The following CABIN1 variants were observed in gnomAD, a reference collection of about 807,000 sequenced individuals.
CABIN1 encodes the protein calcineurin-binding protein cabin-1.
CABIN1 carries 133 observed loss-of-function variants against 227.7 expected under a neutral mutation model. That is an observed-to-expected ratio of 0.58 (90% confidence interval 0.51 to 0.67). The LOEUF is 0.67. Among genes scored for constraint, CABIN1 ranks in the 30% least tolerant of loss-of-function variants. The pLI is 0.00. For synonymous variants in CABIN1, 1,086 were observed against 1,155.1 expected, an observed-to-expected ratio of 0.94 and a Z score of 1.21; for missense variants, 2,408 against 2,852.5, an observed-to-expected ratio of 0.84 and a Z score of 3.55.
intron 1 of CABIN1, among the ~76,000 whole-genome samples, chr22:24,026,951 A>G (rs932534660): frequency 9.2e-5 from 14 of 152,224 alleles, no homozygotes; most frequent in Non-Finnish European, 1.5e-4. Flanking sequence ...GGATTGCACT[A>G]AATCTGTAGG....
In CABIN1 at chr22:24,119,549, C is replaced by G; in HGVS notation, c.4483C>G (p.Gln1495Glu). The G allele has an allele frequency of 6.2e-7, 1 of 1,613,942 alleles. No individual in the cohort carries two copies. Among genetic ancestry groups the G allele is most frequent in the Non-Finnish European group, 8.5e-7 (1 of 1,180,018 alleles). The change falls in exon 28 of 37, where the codon CAG (glutamine) becomes GAG (glutamate). Residue 1495 changes from glutamine (Q) to glutamate (E), a missense_variant. Gln to Glu is a conservative substitution (Grantham distance 29, BLOSUM62 2). Coordinates refer to ENST00000263119, the MANE Select transcript of CABIN1 (RefSeq NM_012295.4). ...DLPGEPVAFPQGLPAGAEEQR... is the reference protein window; with the variant it reads ...DLPGEPVAFPEGLPAGAEEQR... ...CCCAGGGGAGCCAGTGGCCTTCCCC[C>G]AGGGGCTGCCGGCTGGTGCTGAGGA...
chr22:24,025,169 T>G (rs569937087), intron 1 of CABIN1, among the ~76,000 whole-genome samples: 1 of 152,298 alleles, frequency 6.6e-6, no homozygotes, highest in South Asian at 2.1e-4. Context: ...GAAGTCAGAT[T>G]TCTGACTTTT....
In CABIN1 at chr22:24,061,941, C is replaced by T; in HGVS notation, c.1618-6C>T. ...TGTTCTTGACCTTCCTGTGTCTGTC[C>T]TGCAGGACATGATGCTGATGTCTCT... On this transcript the variant is annotated splice_polypyrimidine_tract_variant and splice_region_variant and intron_variant, in intron 12 of 36. Transcript: ENST00000263119. 4.3e-6 allele frequency: 7 copies of T among 1,612,410 alleles called. No individual in the cohort carries two copies. The highest frequency in any genetic ancestry group is 1.3e-5 in the African/African-American group (1 of 74,992).
chr22:24,124,316 T>G (rs1348337935), intron 28 of CABIN1, among the ~76,000 whole-genome samples: 2 of 152,248 alleles, frequency 1.3e-5, no homozygotes, highest in African/African-American at 4.8e-5. Context: ...TTCTTCAGTG[T>G]CAGCATCTCC....
chr22:24,173,073 T>TCAGGCCCTCCCCTGCTTCTCCCTC (rs2046915754), intron 34 of CABIN1: 1 of 152,348 alleles, frequency 6.6e-6, no homozygotes, highest in African/African-American at 2.4e-5. Context: ...ACCCTCCCTT[T>TCAGGCCCTCCCCTGCTTCTCCCTC]CAGGCCCTCC....
rs933984677 is a variant in CABIN1 at position 24,134,340 on chromosome 22, T to G, written c.4671T>G (p.Ser1557Arg). The change falls in exon 29 of 37, where the codon AGT (serine) becomes AGG (arginine). Residue 1557 changes from serine to arginine, a missense_variant. By Grantham distance (110) the Ser-to-Arg change is moderately radical. Around this residue, in one of 3 missense-constraint regions of CABIN1, gnomAD observed 649 missense variants for 910.3 expected, o/e 0.71. Coordinates refer to ENST00000263119, the MANE Select transcript of CABIN1 (RefSeq NM_012295.4). ...CCCGCGACGTGTTGCTAGGCAGCAG[T>G]ATCCCGTGGCAACAACTGCAGCACA... ...QWARDVLLGS[S>R]IPWQQLQHMP... is the part of the protein sequence containing the mutation. 7 of 1,614,016 alleles carry G rather than the reference T, an allele frequency of 4.3e-6. No homozygotes were observed. In the South Asian group the frequency reaches 6.6e-5, roughly 15 times the overall value.
Position 24,041,140 on chromosome 22 carries a change from C to A in CABIN1, c.212C>A (p.Ala71Glu), listed in dbSNP as rs188586021. 8.7e-6 allele frequency: 14 copies of A among 1,614,218 alleles called. No homozygotes were observed. The African/African-American group carries it at 1.9e-4, about 22-fold the overall frequency. ...ACTTCTGTTCTGTTTTGTTCACAGG[C>A]AGTTTCATCCGGTGATGAGAAAGAG... Reference protein sequence around the residue: ...ELLEASLLREAVSSGDEKEGL... With the variant: ...ELLEASLLREEVSSGDEKEGL... The change falls in exon 5 of 37, where the codon GCA (alanine) becomes GAA (glutamate). Residue 71 changes from alanine (A) to glutamate (E), a missense_variant and splice_region_variant. Coordinates refer to ENST00000263119, the MANE Select transcript of CABIN1 (RefSeq NM_012295.4).
chr22:24,033,720 T>A (rs2036665376), intron 1 of CABIN1, among the ~76,000 whole-genome samples: 1 of 152,180 alleles, frequency 6.6e-6, no homozygotes, highest in Admixed American at 6.5e-5. Context: ...CTGTCACGGG[T>A]CCATCTGGGA....
rs1158378290 is a variant in CABIN1, at chr22:24,098,097, C to G, written c.4022C>G (p.Ser1341Cys). 6.2e-7 allele frequency: 1 copy of G among 1,614,048 alleles called. No homozygotes were observed. The highest frequency in any genetic ancestry group is 8.5e-7 in the Non-Finnish European group (1 of 1,180,032). Residue 1341 changes from serine (S) to cysteine (C), a missense_variant, in exon 26 of 37, where the codon TCT becomes TGT. Coordinates refer to ENST00000263119, the MANE Select transcript of CABIN1 (RefSeq NM_012295.4). Reference protein sequence around the residue: ...PGPGASLPSSSGPGLTSPPYT... With the variant: ...PGPGASLPSSCGPGLTSPPYT... ...CCCGGAGCCTCCCTCCCCTCCTCCT[C>G]TGGCCCAGGTCTGACATCCCCACCT...
intron 20 of CABIN1, among the ~76,000 whole-genome samples, chr22:24,084,019 T>A (rs746578047): frequency 1.3e-5 from 2 of 152,164 alleles, no homozygotes; most frequent in Non-Finnish European, 2.9e-5. Flanking sequence ...ACCCCAAACC[T>A]AGGGCCACTC....
rs767802995 is a variant in CABIN1 at position 24,119,550 on chromosome 22, A to T, written c.4484A>T (p.Gln1495Leu). ...DLPGEPVAFP[Q>L]GLPAGAEEQR... ...CCAGGGGAGCCAGTGGCCTTCCCCC[A>T]GGGGCTGCCGGCTGGTGCTGAGGAG... is the stretch of plus-strand genomic sequence containing the variant. The change falls in exon 28 of 37, where the codon CAG (glutamine) becomes CTG (leucine). Residue 1495 changes from glutamine to leucine, a missense_variant. Gln to Leu is a moderately radical substitution (Grantham distance 113). Transcript: ENST00000263119. The T allele has an allele frequency of 9.3e-6, 15 of 1,613,770 alleles. No homozygotes were observed. Among genetic ancestry groups the T allele is most frequent in the Admixed American group, 5.0e-5 (3 of 60,012 alleles).
intron 34 of CABIN1, among the ~76,000 whole-genome samples, chr22:24,175,459 G>A (rs543324780): frequency 2.0e-5 from 3 of 152,358 alleles, no homozygotes; most frequent in South Asian, 4.1e-4. Context: ...AGTGTGGTGG[G>A]AGAGTCCAGA....
intron 29 of CABIN1, among the ~76,000 whole-genome samples, chr22:24,160,980 T>A (rs1415473103): frequency 6.6e-6 from 1 of 152,218 alleles, no homozygotes; most frequent in African/African-American, 2.4e-5. Flanking sequence ...TGTGGACCCC[T>A]AGGCTCACTC....
intron 3 of CABIN1, among the ~76,000 whole-genome samples, chr22:24,036,437 T>C (rs1371575385): frequency 6.6e-6 from 1 of 152,226 alleles, no homozygotes; most frequent in Non-Finnish European, 1.5e-5. Context: ...CCCCATTCTT[T>C]GTGCAGCCCT....
chr22:24,140,626 A>G (rs1431358992), intron 29 of CABIN1, among the ~76,000 whole-genome samples: 5 of 152,264 alleles, frequency 3.3e-5, no homozygotes, highest in Non-Finnish European at 7.3e-5. Context: ...TAACCAAACC[A>G]GACAGAGATG....
intron 28 of CABIN1, among the ~76,000 whole-genome samples, chr22:24,125,052 T>G (rs892782340): frequency 6.6e-6 from 1 of 152,184 alleles, no homozygotes. Context: ...GAGGACATAA[T>G]GCTAAGTGAA....
rs2042340913 is a variant in CABIN1 at position 24,103,630 on chromosome 22, C to G, written c.4117+5438C>G. On this transcript the variant is annotated intron_variant, in intron 26 of 36. Transcript: ENST00000263119. ...AAAGTGGGAGAGACTGTAAGTGGAG[C>G]TCAGTTTGTTCTGCTTGTTCCTGAC... Among the ~76,000 whole-genome samples, 3 of 152,144 alleles carry G rather than the reference C, an allele frequency of 2.0e-5. No homozygotes were observed. In the South Asian group the frequency reaches 6.2e-4, roughly 32 times the overall value.
At chr22:24,056,122 A>T in intron 9 of CABIN1, 70 bp from the exon 10 acceptor site, 1 of 1,280,634 alleles carries the variant, frequency 7.8e-7, no homozygotes, top group Non-Finnish European at 1.1e-6. Flanking sequence ...AGGGAGATTG[A>T]TGTGTCTGTG....
chr22:24,153,982 C>T (rs547998184), intron 29 of CABIN1, among the ~76,000 whole-genome samples: 1 of 152,270 alleles, frequency 6.6e-6, no homozygotes. Context: ...CTGCAGATCC[C>T]TTCTTTGGCA....
Sources: gnomAD v4.1 joint callset for allele counts (sites outside exome capture counted in the v4.1 genomes callset) on GRCh38, gnomAD v4.1.1 for gene constraint, gnomAD v4.1.1 regional missense constraint, MANE v1.5 for transcripts, NCBI Gene and HGNC (gene_info 2026-07-23, HGNC 2026-07-21) for gene names.